Variants in SDK1 observed in about 807,000 individuals in gnomAD.
SDK1 encodes protein sidekick-1.
SDK1 carries 157 observed loss-of-function variants against 245.5 expected under a neutral mutation model. The observed-to-expected ratio is 0.64, with a 90% CI of 0.56 to 0.73. The LOEUF is 0.73. SDK1 is among the 30% of genes least tolerant of loss of function. The pLI is 0.00. For missense variants in SDK1, 3,583 were observed against 3,002.3 expected, an observed-to-expected ratio of 1.19 and a Z score of -4.52; for synonymous variants, 1,647 against 1,278.5, an observed-to-expected ratio of 1.29 and a Z score of -6.15.
chr7:3,600,151 T>A (rs10275225), intron 1 of SDK1, among the ~76,000 whole-genome samples: 31,598 of 152,112 alleles, frequency 0.21, 3,499 homozygotes, highest in Middle Eastern at 0.31. Context: ...TTCTAAAGTT[T>A]ATACCTAAGT....
At chr7:3,844,425 T>C (rs1236974431) in intron 5 of SDK1, among the ~76,000 whole-genome samples, 1 of 152,146 alleles carries the variant, frequency 6.6e-6, no homozygotes, top group South Asian at 2.1e-4. Context: ...CCACCCTAAA[T>C]TGAATTAAGA....
intron 5 of SDK1, among the ~76,000 whole-genome samples, chr7:3,873,527 A>G (rs1176908486): frequency 2.0e-5 from 3 of 151,954 alleles, no homozygotes; most frequent in Non-Finnish European, 4.4e-5. Flanking sequence ...TTTTTCAGCC[A>G]TTTCTTCTGT....
intron 1 of SDK1, among the ~76,000 whole-genome samples, chr7:3,427,690 G>A (rs187236252): frequency 1.5e-4 from 23 of 152,100 alleles, no homozygotes; most frequent in Admixed American, 9.8e-4. Context: ...TCAGTTTCCC[G>A]TATTTCATCC....
intron 5 of SDK1, among the ~76,000 whole-genome samples, chr7:3,895,883 C>T (rs983936455): frequency 1.3e-5 from 2 of 152,060 alleles, no homozygotes; most frequent in Non-Finnish European, 2.9e-5. Context: ...AACTCTTTGG[C>T]GATTTTCCAG....
chr7:3,860,777 C>T (rs1227020502), intron 5 of SDK1, among the ~76,000 whole-genome samples: 1 of 152,140 alleles, frequency 6.6e-6, no homozygotes, highest in Non-Finnish European at 1.5e-5. Context: ...GATAATGCCG[C>T]ACCTGACACT....
chr7:4,239,986 T>C (rs1456065918), intron 42 of SDK1, among the ~76,000 whole-genome samples: 1 of 152,228 alleles, frequency 6.6e-6, no homozygotes, highest in Admixed American at 6.5e-5. Context: ...AAATGCCTCC[T>C]TATTTGCTTC....
intron 22 of SDK1, among the ~76,000 whole-genome samples, chr7:4,087,954 A>T (rs1781532758): frequency 6.6e-6 from 1 of 152,146 alleles, no homozygotes; most frequent in African/African-American, 2.4e-5. Context: ...TTGATTTTTA[A>T]ATATTTTTGT....
chr7:3,729,766 C>G (rs928094118), intron 4 of SDK1, among the ~76,000 whole-genome samples: 3 of 152,104 alleles, frequency 2.0e-5, no homozygotes, highest in African/African-American at 7.2e-5. Context: ...ACACGAAGAT[C>G]TTTTTTAATG....
At chr7:3,582,101 T>G (rs1386967583) in intron 1 of SDK1, among the ~76,000 whole-genome samples, 1 of 145,060 alleles carries the variant, frequency 6.9e-6, no homozygotes, top group Non-Finnish European at 1.6e-5. Context: ...CTGTCTCAGG[T>G]AGGTCTCCCT....
chr7:3,403,716 T>C (rs549093009), intron 1 of SDK1, among the ~76,000 whole-genome samples: 1 of 150,454 alleles, frequency 6.6e-6, no homozygotes, highest in East Asian at 2.0e-4. Context: ...ATTTCCATGC[T>C]GGTTGCTCAC....
At chr7:3,306,416 C>T (rs1419095637) in intron 1 of SDK1, among the ~76,000 whole-genome samples, 1 of 152,088 alleles carries the variant, frequency 6.6e-6, no homozygotes, top group East Asian at 1.9e-4. Flanking sequence ...ACTGGGAGTG[C>T]ACCAACTATT....
chr7:3,802,555 A>G (rs1472026388), intron 4 of SDK1, among the ~76,000 whole-genome samples: 2 of 151,394 alleles, frequency 1.3e-5, no homozygotes, highest in Non-Finnish European at 2.9e-5. Flanking sequence ...AAAGTGCTAC[A>G]GAGCTGTTCT....
At chr7:3,568,292 C>T (rs567629489) in intron 1 of SDK1, among the ~76,000 whole-genome samples, 1 of 152,076 alleles carries the variant, frequency 6.6e-6, no homozygotes, top group Non-Finnish European at 1.5e-5. Context: ...CTTTAGGTAA[C>T]TGATATACTC....
intron 4 of SDK1, among the ~76,000 whole-genome samples, chr7:3,759,918 G>A (rs551132140): frequency 5.3e-5 from 8 of 152,028 alleles, no homozygotes; most frequent in Admixed American, 2.0e-4. Context: ...TAAGTTGTCC[G>A]CATTCTTTTG....
intron 1 of SDK1, among the ~76,000 whole-genome samples, chr7:3,403,149 G>A (rs2128574037): frequency 6.6e-6 from 1 of 152,210 alleles, no homozygotes; most frequent in South Asian, 2.1e-4. Context: ...GATCAGGCTG[G>A]TCTTGAACTC....
At chr7:3,651,890 G>C (rs1206623346) in intron 4 of SDK1, among the ~76,000 whole-genome samples, 1 of 152,160 alleles carries the variant, frequency 6.6e-6, no homozygotes, top group Non-Finnish European at 1.5e-5. Context: ...TGCTGCCATG[G>C]AGTTCCGTGT....
rs1411528394 is a variant in SDK1 at position 4,208,158 on chromosome 7, C to T, written c.5274C>T (p.Leu1758=). The T allele has an allele frequency of 1.2e-6, 2 of 1,614,102 alleles. No individual in the cohort carries two copies. Among genetic ancestry groups the T allele is most frequent in the East Asian group, 2.2e-5 (1 of 44,864 alleles). The change falls in exon 37 of 45, where the codon CTC becomes CTT. Residue 1758 remains leucine, a synonymous_variant. Coordinates refer to ENST00000404826, the MANE Select transcript of SDK1 (RefSeq NM_152744.4). The part of the protein sequence containing the change: ...NETEKMKVLF[L]PEPVVRLKNL... ...CGGAGAAAATGAAGGTCCTCTTCCT[C>T]CCCGAGCCCGTGGTGAGGCTGAAGA...
rs761307142 is a variant in SDK1, at chr7:3,522,409, G to A, written c.299-96671G>A. 9.0e-4 allele frequency among the ~76,000 whole-genome samples: 137 copies of A among 152,314 alleles called. 1 individual carries two copies. Among genetic ancestry groups the A allele is most frequent in the Non-Finnish European group, 1.5e-3 (102 of 68,018 alleles). On this transcript the variant is annotated intron_variant, in intron 1 of 44. Transcript: ENST00000404826. Reference sequence around the variant, plus strand: ...AATTCGGAGACAATGCCCAATCACTGTGGCTACTCTTAGAAACAATTTAAG... The same window carrying A: ...AATTCGGAGACAATGCCCAATCACTATGGCTACTCTTAGAAACAATTTAAG...
At chr7:3,545,091 G>A (rs1035162376) in intron 1 of SDK1, among the ~76,000 whole-genome samples, 2 of 152,100 alleles carry the variant, frequency 1.3e-5, no homozygotes, top group Non-Finnish European at 2.9e-5. Context: ...TGTGGTGGGC[G>A]GCAGTATTGG....
Sources: allele counts gnomAD v4.1 joint callset (sites outside exome capture counted in the v4.1 genomes callset), GRCh38; gene constraint gnomAD v4.1.1; transcripts MANE v1.5; gene names NCBI Gene and HGNC (gene_info 2026-07-23, HGNC 2026-07-21).